The following FAM114A1 variants were observed in gnomAD, a reference collection of about 807,000 sequenced individuals.
FAM114A1 encodes protein NOXP20.
Under a neutral mutation model 64.3 loss-of-function variants are expected in FAM114A1, and 62 were observed. The observed-to-expected ratio is 0.96, with a 90% confidence interval of 0.79 to 1.19. The LOEUF (loss-of-function observed/expected upper bound fraction) is 1.19, where lower values mean the gene tolerates loss of function less well. FAM114A1 is among the 50% of genes most tolerant of loss of function. The pLI is 0.00. For synonymous variants in FAM114A1, 254 were observed against 251.1 expected, an observed-to-expected ratio of 1.01 and a Z score of -0.11; for missense variants, 645 against 676.3, an observed-to-expected ratio of 0.95 and a Z score of 0.51.
rs540273633 is a variant in FAM114A1, at chr4:38,877,118, C to T, written c.-8-953C>T. 2.0e-5 allele frequency among the ~76,000 whole-genome samples: 3 copies of T among 152,250 alleles called. No individual in the cohort carries two copies. In the East Asian group the frequency reaches 5.8e-4, roughly 29 times the overall value. On this transcript the variant is annotated intron_variant, in intron 2 of 14. Coordinates refer to ENST00000358869, the MANE Select transcript of FAM114A1 (RefSeq NM_138389.4). ...TTATCTTGGGGGCCATTCATTATTC[C>T]AGCAGTCCCCAACCTTTTTGGCACC...
intron 3 of FAM114A1, among the ~76,000 whole-genome samples, chr4:38,884,065 G>A (rs1236972688): frequency 1.3e-5 from 2 of 152,234 alleles, no homozygotes; most frequent in African/African-American, 4.8e-5. Context: ...CAGTCAGTCT[G>A]TGGACTAGAG....
At chr4:38,873,465 A>G (rs1461502323) in intron 2 of FAM114A1, among the ~76,000 whole-genome samples, 2 of 152,248 alleles carry the variant, frequency 1.3e-5, no homozygotes, top group Non-Finnish European at 2.9e-5. Flanking sequence ...AGTACTATGT[A>G]GAATATGAAT....
intron 2 of FAM114A1, among the ~76,000 whole-genome samples, chr4:38,872,680 G>T (rs1214668818): frequency 6.6e-6 from 1 of 152,160 alleles, no homozygotes; most frequent in Non-Finnish European, 1.5e-5. Flanking sequence ...AAATCTTTAG[G>T]CCATGGCAAT....
intron 2 of FAM114A1, among the ~76,000 whole-genome samples, chr4:38,870,018 A>T (rs1713870574): frequency 6.6e-6 from 1 of 152,162 alleles, no homozygotes; most frequent in Admixed American, 6.5e-5. Flanking sequence ...AAGCATCCAG[A>T]TCAGTTTGTC....
intron 2 of FAM114A1, among the ~76,000 whole-genome samples, chr4:38,874,151 C>A (rs1345838662): frequency 6.6e-6 from 1 of 152,188 alleles, no homozygotes; most frequent in Non-Finnish European, 1.5e-5. Context: ...GACACGGGTT[C>A]AAATTTCAAA....
intron 7 of FAM114A1, among the ~76,000 whole-genome samples, chr4:38,910,484 C>A (rs1052822635): frequency 2.6e-5 from 4 of 152,252 alleles, no homozygotes; most frequent in African/African-American, 9.6e-5. Context: ...TGCCTTACTT[C>A]CAGCCTCACA....
intron 4 of FAM114A1, 48 bp from the exon 5 acceptor site, chr4:38,905,474 A>T: frequency 2.3e-6 from 3 of 1,324,470 alleles, no homozygotes; most frequent in Non-Finnish European, 3.2e-6. Flanking sequence ...GGATTTGCAG[A>T]CCGTGGATTT....
intron 4 of FAM114A1, among the ~76,000 whole-genome samples, chr4:38,893,917 C>T (rs560209017): frequency 1.3e-5 from 2 of 152,084 alleles, no homozygotes; most frequent in Non-Finnish European, 2.9e-5. Context: ...AATCCCGGCA[C>T]TTTGGGAGGC....
chr4:38,880,110 GAAT>G (rs1441397411), intron 3 of FAM114A1, among the ~76,000 whole-genome samples: 6 of 55,892 alleles, frequency 1.1e-4, no homozygotes, highest in African/African-American at 3.8e-4. Flanking sequence ...AAATAGAGTA[GAAT>G]AGAATAGAAT....
rs769149837 is a variant in FAM114A1, at chr4:38,878,345, T to A, written c.267T>A (p.Asp89Glu). 6.2e-6 allele frequency: 10 copies of A among 1,614,062 alleles called. No homozygotes were observed. The highest frequency in any genetic ancestry group is 8.5e-6 in the Non-Finnish European group (10 of 1,180,018). The change falls in exon 3 of 15, where the codon GAT (aspartate) becomes GAA (glutamate). Residue 89 changes from aspartate to glutamate, a missense_variant. Physicochemically the swap from Asp to Glu is conservative, Grantham distance 45. Coordinates refer to ENST00000358869, the MANE Select transcript of FAM114A1 (RefSeq NM_138389.4). ...CTCTCAATGGAGACGTGACTGAGGA[T>A]ACACTTGCTGAATGTATTGATTCCG... ...EPPLNGDVTE[D>E]TLAECIDSVS...
chr4:38,894,424 A>G (rs1716713948), intron 4 of FAM114A1, among the ~76,000 whole-genome samples: 1 of 152,192 alleles, frequency 6.6e-6, no homozygotes, highest in Admixed American at 6.5e-5. Flanking sequence ...AAATTCCTGT[A>G]GGCCATCATG....
At chr4:38,940,322 CTCT>C (rs1437308050) in intron 13 of FAM114A1, among the ~76,000 whole-genome samples, 2 of 151,980 alleles carry the variant, frequency 1.3e-5, no homozygotes, top group Non-Finnish European at 2.9e-5. Flanking sequence ...AATTTTGCTG[CTCT>C]TCTAGAAGAT....
At chr4:38,926,456 C>T (rs1291323024) in intron 9 of FAM114A1, among the ~76,000 whole-genome samples, 3 of 151,722 alleles carry the variant, frequency 2.0e-5, no homozygotes. Flanking sequence ...CTCTCTCTCC[C>T]CTTTTTTTTT....
chr4:38,906,268 C>T (rs751128957), intron 6 of FAM114A1, among the ~76,000 whole-genome samples: 2 of 152,080 alleles, frequency 1.3e-5, no homozygotes, highest in African/African-American at 4.8e-5. Flanking sequence ...AAAAAGTACC[C>T]GTTACAAGAC....
At chr4:38,940,602 A>G (rs971356365) in intron 13 of FAM114A1, among the ~76,000 whole-genome samples, 1 of 152,208 alleles carries the variant, frequency 6.6e-6, no homozygotes, top group Non-Finnish European at 1.5e-5. Flanking sequence ...TGCCTACACA[A>G]CTCAACCTGC....
At position 38,905,740 on chromosome 4, in the gene FAM114A1, C is replaced by CT; in HGVS notation, c.551-9dup. 3.1e-6 allele frequency: 5 copies of CT among 1,610,786 alleles called. No individual in the cohort carries two copies. Among genetic ancestry groups the CT allele is most frequent in the Non-Finnish European group, 4.2e-6 (5 of 1,179,142 alleles). On this transcript the variant is annotated splice_polypyrimidine_tract_variant and intron_variant, in intron 5 of 14. Transcript: ENST00000358869. ...AGCGACGTGAACTCTTAAAGGATTT[C>CT]TTTTTTCTCTTTAGTAACAGATGCA...
chr4:38,937,479 C>T (rs183394795), intron 13 of FAM114A1, among the ~76,000 whole-genome samples: 28 of 152,250 alleles, frequency 1.8e-4, no homozygotes, highest in Admixed American at 1.8e-3. Context: ...GGACACCAGG[C>T]CTATTTGGTT....
At chr4:38,870,847 C>T (rs1713984440) in intron 2 of FAM114A1, among the ~76,000 whole-genome samples, 1 of 152,152 alleles carries the variant, frequency 6.6e-6, no homozygotes, top group Non-Finnish European at 1.5e-5. Context: ...TTCAAACACA[C>T]AGTTTCTAGT....
chr4:38,937,414 T>C (rs1721200788), intron 13 of FAM114A1, among the ~76,000 whole-genome samples: 1 of 152,170 alleles, frequency 6.6e-6, no homozygotes, highest in Non-Finnish European at 1.5e-5. Flanking sequence ...TCCCTGTGTC[T>C]CCACATCACC....
Sources: allele counts gnomAD v4.1 joint callset (sites outside exome capture counted in the v4.1 genomes callset), GRCh38; gene constraint gnomAD v4.1.1; transcripts MANE v1.5; gene names NCBI Gene and HGNC (gene_info 2026-07-23, HGNC 2026-07-21).